Variants in SHISA9 observed in about 807,000 individuals in gnomAD.
SHISA9 encodes the protein protein shisa-9.
In SHISA9, 13 loss-of-function variants were observed where a neutral mutation model predicts 38.0. That is an observed-to-expected ratio of 0.34 (90% CI 0.22 to 0.54). The LOEUF (loss-of-function observed/expected upper bound fraction) is 0.54. Ranked by LOEUF, SHISA9 falls within the 20% of genes least tolerant of loss-of-function variation. The probability of loss-of-function intolerance (pLI) is 0.91; values close to 1 mark genes in which losing one functional copy is unlikely to be tolerated. For synonymous variants in SHISA9, 275 were observed against 242.0 expected, an observed-to-expected ratio of 1.14 and a Z score of -1.27; for missense variants, 538 against 575.8, an observed-to-expected ratio of 0.93 and a Z score of 0.67.
the SHISA9 span, among the ~76,000 whole-genome samples, chr16:13,307,904 A>G: frequency 1.7e-3 from 260 of 152,330 alleles, 2 homozygotes; most frequent in Non-Finnish European, 1.5e-3. Flanking sequence ...AGGATGATTA[A>G]CGGTCCTTCC....
intron 2 of SHISA9, among the ~76,000 whole-genome samples, chr16:13,028,750 T>C (rs1434392945): frequency 6.6e-6 from 1 of 152,178 alleles, no homozygotes; most frequent in African/African-American, 2.4e-5. Flanking sequence ...TTCCTATAGA[T>C]AAATTATGGC....
chr16:13,415,461 GA>G, the SHISA9 span, among the ~76,000 whole-genome samples: 1 of 152,128 alleles, frequency 6.6e-6, no homozygotes, highest in South Asian at 2.1e-4. Context: ...GGAGGGAGAA[GA>G]TCAGGAAAAA....
the SHISA9 span, among the ~76,000 whole-genome samples, chr16:13,417,867 C>A: frequency 6.6e-5 from 10 of 152,330 alleles, 1 homozygote; most frequent in East Asian, 1.9e-3. Flanking sequence ...ATGCTGGCAT[C>A]AAACAGAGGA....
At chr16:13,221,170 G>T (rs980574195) in intron 4 of SHISA9, among the ~76,000 whole-genome samples, 1 of 152,168 alleles carries the variant, frequency 6.6e-6, no homozygotes, top group African/African-American at 2.4e-5. Flanking sequence ...ATGGTGCCCC[G>T]TGGGGAGGGC....
intron 2 of SHISA9, among the ~76,000 whole-genome samples, chr16:13,081,777 G>A (rs772876306): frequency 4.0e-5 from 6 of 151,786 alleles, no homozygotes; most frequent in Non-Finnish European, 5.9e-5. Context: ...GCTTGAACCC[G>A]GGAGGCAGAG....
At chr16:13,403,634 A>G in the SHISA9 span, among the ~76,000 whole-genome samples, 1 of 152,230 alleles carries the variant, frequency 6.6e-6, no homozygotes, top group Non-Finnish European at 1.5e-5. Context: ...GGGTGCAGCA[A>G]AGAGTCATCA....
At chr16:12,946,943 C>A (rs551465376) in intron 2 of SHISA9, among the ~76,000 whole-genome samples, 13 of 152,234 alleles carry the variant, frequency 8.5e-5, no homozygotes, top group Non-Finnish European at 1.8e-4. Flanking sequence ...TTGTCCATGG[C>A]TTTTTCTGCT....
chr16:13,232,728 T>A (rs1397913790), intron 4 of SHISA9, among the ~76,000 whole-genome samples: 10 of 152,196 alleles, frequency 6.6e-5, no homozygotes, highest in Admixed American at 6.5e-4. Context: ...TATAGGTAAA[T>A]GTAAACATTT....
At chr16:13,154,191 G>C (rs759584423) in intron 2 of SHISA9, among the ~76,000 whole-genome samples, 7 of 152,144 alleles carry the variant, frequency 4.6e-5, no homozygotes, top group Non-Finnish European at 7.3e-5. Context: ...CATTTTACAG[G>C]TGGGGAGACT....
chr16:13,409,735 G>A, the SHISA9 span, among the ~76,000 whole-genome samples: 2 of 152,172 alleles, frequency 1.3e-5, no homozygotes, highest in Non-Finnish European at 2.9e-5. Context: ...CTATCAGGAG[G>A]GAATGTGTAA....
intron 2 of SHISA9, among the ~76,000 whole-genome samples, chr16:13,088,988 A>G (rs912969866): frequency 2.0e-5 from 3 of 152,200 alleles, no homozygotes; most frequent in Non-Finnish European, 4.4e-5. Flanking sequence ...ACGTTCCATC[A>G]GTACCTAGTT....
chr16:13,268,705 C>G, the SHISA9 span, among the ~76,000 whole-genome samples: 1 of 152,102 alleles, frequency 6.6e-6, no homozygotes, highest in Non-Finnish European at 1.5e-5. Context: ...TGTGATTTTT[C>G]TTTCCTAATG....
the SHISA9 span, among the ~76,000 whole-genome samples, chr16:13,382,422 G>A: frequency 6.6e-6 from 1 of 151,756 alleles, no homozygotes; most frequent in African/African-American, 2.4e-5. Context: ...CAGCCACTTG[G>A]GAGCCTGGGT....
At chr16:12,979,712 G>C (rs1005593138) in intron 2 of SHISA9, among the ~76,000 whole-genome samples, 1 of 151,842 alleles carries the variant, frequency 6.6e-6, no homozygotes, top group Non-Finnish European at 1.5e-5. Flanking sequence ...CTATAACGTT[G>C]TGTGTTGCTG....
At chr16:13,380,399 C>A in the SHISA9 span, among the ~76,000 whole-genome samples, 1 of 152,022 alleles carries the variant, frequency 6.6e-6, no homozygotes, top group Non-Finnish European at 1.5e-5. Flanking sequence ...AGATCATGTA[C>A]AAAGCATTGG....
At chr16:13,307,679 G>A in the SHISA9 span, among the ~76,000 whole-genome samples, 3 of 152,298 alleles carry the variant, frequency 2.0e-5, no homozygotes, top group South Asian at 2.1e-4. Flanking sequence ...CTTATTCAAT[G>A]TAGATATGAT....
the SHISA9 span, among the ~76,000 whole-genome samples, chr16:13,468,313 G>A: frequency 6.6e-6 from 1 of 152,148 alleles, no homozygotes; most frequent in African/African-American, 2.4e-5. Flanking sequence ...CCCAGGGAGA[G>A]GGGCAGGGAG....
intron 2 of SHISA9, among the ~76,000 whole-genome samples, chr16:13,111,602 T>C (rs1313207572): frequency 1.3e-5 from 2 of 152,234 alleles, no homozygotes; most frequent in African/African-American, 4.8e-5. Context: ...AAACATTAAC[T>C]ATCATTACTA....
intron 2 of SHISA9, among the ~76,000 whole-genome samples, chr16:13,089,292 G>A (rs1488565986): frequency 2.0e-5 from 3 of 152,174 alleles, no homozygotes; most frequent in African/African-American, 2.4e-5. Context: ...CCAGGCTTTG[G>A]TATCAGGATG....
Sources: gnomAD v4.1 joint callset for allele counts (sites outside exome capture counted in the v4.1 genomes callset) on GRCh38, gnomAD v4.1.1 for gene constraint, MANE v1.5 for transcripts, NCBI Gene and HGNC (gene_info 2026-07-23, HGNC 2026-07-21) for gene names.